MTA3: variants seen among roughly 807,000 people sequenced by gnomAD.
MTA3 encodes the protein metastasis-associated protein MTA3.
MTA3 carries 34 observed loss-of-function variants against 83.5 expected under a neutral mutation model. The ratio of observed to expected loss-of-function variants is 0.41; its 90% CI spans 0.31 to 0.54. The LOEUF is 0.54. Ranked by LOEUF, MTA3 falls within the 20% of genes least tolerant of loss-of-function variation. The pLI, the probability that MTA3 is intolerant of heterozygous loss-of-function variation, is 0.33. For missense variants in MTA3, 761 were observed against 726.4 expected (o/e 1.05, Z -0.55); for synonymous variants, 303 against 252.7 (o/e 1.20, Z -1.89).
intron 16 of MTA3, among the ~76,000 whole-genome samples, chr2:42,729,098 T>TTTTTTG (rs1668052293): frequency 8.2e-6 from 1 of 122,006 alleles, no homozygotes; most frequent in Non-Finnish European, 1.7e-5. Context: ...TTTTTTTTTT[T>TTTTTTG]TTTTTTTTTT....
In MTA3 at chr2:42,548,878, T is replaced by TATATATATATAATATATATATATATATA. The variant is rs1156811014; in HGVS notation, c.-140-21548_-140-21547insATATATATATATATATAATATATATATA. 7.1e-3 allele frequency among the ~76,000 whole-genome samples: 79 copies of TATATATATATAATATATATATATATATA among 11,200 alleles called. 1 individual carries two copies. Among genetic ancestry groups the TATATATATATAATATATATATATATATA allele is most frequent in the African/African-American group, 0.022 (28 of 1,280 alleles). The allele number at this position is 11,200 out of a possible 152,430, so 7.3% of individuals were successfully genotyped here. On this transcript the variant is annotated intron_variant, in intron 2 of 17. Transcript: ENST00000405592. ...ATATATAATATATATATATATATAA[T>TATATATATATAATATATATATATATATA]ATATATATATATATCAGCGGGCACG...
At chr2:42,690,279 T>C (rs1315221038) in intron 9 of MTA3, among the ~76,000 whole-genome samples, 1 of 152,240 alleles carries the variant, frequency 6.6e-6, no homozygotes, top group African/African-American at 2.4e-5. Flanking sequence ...CTTGAAAAAC[T>C]CTGCTATTAC....
intron 16 of MTA3, among the ~76,000 whole-genome samples, chr2:42,727,175 G>A (rs1020594807): frequency 1.3e-5 from 2 of 152,174 alleles, no homozygotes. Context: ...TCTAGCCTGG[G>A]TTACAGAGTG....
At chr2:42,598,281 G>A (rs946306663) in intron 3 of MTA3, among the ~76,000 whole-genome samples, 1 of 150,744 alleles carries the variant, frequency 6.6e-6, no homozygotes, top group Non-Finnish European at 1.5e-5. Flanking sequence ...TAGTCAGGAT[G>A]GTCTGTATCT....
At position 42,682,169 on chromosome 2, in the gene MTA3, A is replaced by G. The variant is rs375913100; in HGVS notation, c.703-232A>G. ...GCTGCTGCTGCACTCTAGCCTGGGA[A>G]TAGAGGGATACCCTGTGCTCCCCTC... On this transcript the variant is annotated intron_variant, in intron 8 of 16. Transcript: ENST00000405094. Among the ~76,000 whole-genome samples the G allele has an allele frequency of 2.2e-3, 337 of 152,294 alleles. 4 individuals are homozygous for G. Among genetic ancestry groups the G allele is most frequent in the African/African-American group, 7.8e-3 (323 of 41,568 alleles).
chr2:42,700,119 T>C (rs917665078), intron 11 of MTA3, among the ~76,000 whole-genome samples: 1 of 152,024 alleles, frequency 6.6e-6, no homozygotes, highest in Non-Finnish European at 1.5e-5. Context: ...GTGATCTTAT[T>C]GGCATGGTGA....
chr2:42,578,153 A>G (rs1003969973), intron 2 of MTA3, among the ~76,000 whole-genome samples: 5 of 152,206 alleles, frequency 3.3e-5, no homozygotes. Context: ...GTATATCTGT[A>G]AGACCAGAGA....
At chr2:42,730,759 A>C (rs1668179924) in intron 16 of MTA3, among the ~76,000 whole-genome samples, 1 of 151,978 alleles carries the variant, frequency 6.6e-6, no homozygotes, top group South Asian at 2.1e-4. Flanking sequence ...TATTTTTTGG[A>C]GTAGTTTCAG....
intron 3 of MTA3, among the ~76,000 whole-genome samples, chr2:42,579,559 T>A (rs1304275289): frequency 6.6e-6 from 1 of 151,786 alleles, no homozygotes. Flanking sequence ...TGCAAAGTGC[T>A]GGGATTACAG....
At chr2:42,606,835 C>G (rs367573691) in intron 3 of MTA3, among the ~76,000 whole-genome samples, 1 of 149,332 alleles carries the variant, frequency 6.7e-6, no homozygotes, top group Non-Finnish European at 1.5e-5. Flanking sequence ...CCCGGCACCT[C>G]GGGAGGCCGA....
In MTA3 at chr2:42,578,742, T is replaced by G. The variant is rs112149456; in HGVS notation, c.97-365T>G. ...TTCCGTCAGTTGTGGCTTTAAAAAT[T>G]GGTGGGATTAGTTTCTTTCTCTTTT... On this transcript the variant is annotated intron_variant, in intron 2 of 16. Transcript: ENST00000405094. Among the ~76,000 whole-genome samples the G allele has an allele frequency of 9.9e-3, 1,512 of 152,314 alleles. 33 individuals carry two copies. Among genetic ancestry groups the G allele is most frequent in the African/African-American group, 0.035 (1,438 of 41,570 alleles).
At chr2:42,538,790 C>T (rs1259422767) in intron 2 of MTA3, among the ~76,000 whole-genome samples, 5 of 124,436 alleles carry the variant, frequency 4.0e-5, no homozygotes, top group Non-Finnish European at 6.5e-5. Flanking sequence ...TTTTTTGAGA[C>T]GGAGTCTCGC....
chr2:42,699,389 T>C (rs1303153136), intron 11 of MTA3, among the ~76,000 whole-genome samples: 1 of 152,134 alleles, frequency 6.6e-6, no homozygotes, highest in Non-Finnish European at 1.5e-5. Flanking sequence ...ATAGAGACAG[T>C]GTCTCCCTAT....
chr2:42,673,776 A>G (rs1033261530), intron 8 of MTA3, among the ~76,000 whole-genome samples: 1 of 152,212 alleles, frequency 6.6e-6, no homozygotes, highest in African/African-American at 2.4e-5. Flanking sequence ...ACAGCCCTGC[A>G]TTATTGGATG....
At chr2:42,653,946 G>A (rs1337149001) in intron 6 of MTA3, among the ~76,000 whole-genome samples, 3 of 152,174 alleles carry the variant, frequency 2.0e-5, no homozygotes, top group South Asian at 4.1e-4. Flanking sequence ...GACACAGGCA[G>A]GTTAATTGTG....
chr2:42,656,116 A>G lies in MTA3; in HGVS notation c.500-84A>G. Reference sequence around the variant, plus strand: ...CTTACCTTACACATAAACATTTCTAATGCTATGGTGACAGTTGTCATCAGT... The same window carrying G: ...CTTACCTTACACATAAACATTTCTAGTGCTATGGTGACAGTTGTCATCAGT... On this transcript the variant is annotated intron_variant, in intron 6 of 16. Transcript: ENST00000405094. The G allele has an allele frequency of 2.9e-6, 3 of 1,026,010 alleles. 1 individual carries two copies. In the South Asian group the frequency reaches 4.2e-5, roughly 14 times the overall value. The allele number at this position is 1,026,010 out of a possible 1,614,324, so 63.6% of individuals were successfully genotyped here.
chr2:42,672,397 C>G (rs185534381), intron 8 of MTA3, among the ~76,000 whole-genome samples: 27 of 150,500 alleles, frequency 1.8e-4, no homozygotes, highest in African/African-American at 6.1e-4. Context: ...AATCCTAGCA[C>G]TCTGGGAGGC....
chr2:42,525,734 T>G (rs768977918), intron 2 of MTA3, among the ~76,000 whole-genome samples: 23 of 151,800 alleles, frequency 1.5e-4, no homozygotes, highest in Non-Finnish European at 3.1e-4. Flanking sequence ...CTCGGCTCAC[T>G]GTAACCTCTG....
intron 9 of MTA3, among the ~76,000 whole-genome samples, chr2:42,687,094 T>C (rs1158269873): frequency 6.6e-6 from 1 of 152,186 alleles, no homozygotes; most frequent in East Asian, 1.9e-4. Flanking sequence ...GCCACTGCAC[T>C]CTAGCCTAGG....
Sources: allele counts gnomAD v4.1 joint callset (sites outside exome capture counted in the v4.1 genomes callset), GRCh38; gene constraint gnomAD v4.1.1; transcripts MANE v1.5; gene names NCBI Gene and HGNC (gene_info 2026-07-23, HGNC 2026-07-21).